Variants in CNKSR3 observed in about 807,000 individuals in gnomAD.
CNKSR3 encodes CNKSR family member 3.
Under a neutral mutation model 67.7 loss-of-function variants are expected in CNKSR3, and 36 were observed. That is an observed-to-expected ratio of 0.53 (90% CI 0.41 to 0.70). The LOEUF is 0.70. Among genes scored for constraint, CNKSR3 ranks in the 30% least tolerant of loss-of-function variants. The probability of loss-of-function intolerance (pLI) is 0.00; values close to 1 mark genes in which losing one functional copy is unlikely to be tolerated. For synonymous variants in CNKSR3, 281 were observed against 271.4 expected, an observed-to-expected ratio of 1.04 and a Z score of -0.35; for missense variants, 630 against 695.2, an observed-to-expected ratio of 0.91 and a Z score of 1.05.
chr6:154,436,040 A>G (rs1231054211), intron 4 of CNKSR3, among the ~76,000 whole-genome samples: 2 of 151,932 alleles, frequency 1.3e-5, no homozygotes, highest in Non-Finnish European at 2.9e-5. Flanking sequence ...GTGGATGCAC[A>G]ATGGCATGTG....
intron 1 of CNKSR3, among the ~76,000 whole-genome samples, chr6:154,461,285 G>C (rs965016139): frequency 1.3e-5 from 2 of 152,102 alleles, no homozygotes; most frequent in East Asian, 3.9e-4. Context: ...GGTCTGAGGT[G>C]GTCAATGAAG....
intron 1 of CNKSR3, among the ~76,000 whole-genome samples, chr6:154,485,409 C>T (rs886578606): frequency 4.6e-5 from 7 of 152,206 alleles, no homozygotes; most frequent in African/African-American, 1.4e-4. Context: ...CTTACTAAAG[C>T]TCTGTTCCAG....
At chr6:154,454,823 A>G (rs1785917147) in intron 1 of CNKSR3, among the ~76,000 whole-genome samples, 1 of 148,210 alleles carries the variant, frequency 6.7e-6, no homozygotes, top group African/African-American at 2.6e-5. Context: ...TACCTGGCAG[A>G]AAAAAAAAAA....
chr6:154,492,773 A>C (rs553910912), intron 1 of CNKSR3, among the ~76,000 whole-genome samples: 11 of 151,774 alleles, frequency 7.2e-5, no homozygotes, highest in East Asian at 1.9e-4. Context: ...AAACAAAAAA[A>C]AAAACAACAC....
intron 4 of CNKSR3, among the ~76,000 whole-genome samples, chr6:154,437,671 C>T (rs1785500573): frequency 6.6e-6 from 1 of 152,128 alleles, no homozygotes; most frequent in South Asian, 2.1e-4. Context: ...CCGCCCTGGC[C>T]TCCCAAAGTT....
At chr6:154,431,393 G>A (rs556676527) in intron 5 of CNKSR3, among the ~76,000 whole-genome samples, 66 of 144,852 alleles carry the variant, frequency 4.6e-4, no homozygotes, top group African/African-American at 1.4e-3. Flanking sequence ...GCAGTAAGCC[G>A]AGTCGCACCA....
At chr6:154,487,255 T>C (rs1386639963) in intron 1 of CNKSR3, among the ~76,000 whole-genome samples, 1 of 152,222 alleles carries the variant, frequency 6.6e-6, no homozygotes, top group African/African-American at 2.4e-5. Flanking sequence ...TGATTTTTTT[T>C]TCCAGGATAT....
Position 154,390,037 on chromosome 6 carries a change from A to G in CNKSR3, c.*16317T>C, listed in dbSNP as rs1055768467. Reference sequence around the variant, plus strand: ...AATCTTTGATTCATTATACATCATCATCAGTCCACACATATCCCTCTTTTA... The same window carrying G: ...AATCTTTGATTCATTATACATCATCGTCAGTCCACACATATCCCTCTTTTA... On this transcript the variant is annotated 3_prime_UTR_variant, in exon 13 of 13. Transcript: ENST00000607772. The G allele has an allele frequency of 6.6e-6, 1 of 152,256 alleles. No individual in the cohort carries two copies. Among genetic ancestry groups the G allele is most frequent in the Non-Finnish European group, 1.5e-5 (1 of 68,042 alleles). 9.4% of individuals were successfully genotyped at this position (152,256 alleles called of 1,614,324 possible). A position where few individuals can be genotyped will look rare whatever the true frequency, so the allele number is the denominator to read the frequency against.
At chr6:154,415,228 A>ATT (rs35873703) in intron 9 of CNKSR3, among the ~76,000 whole-genome samples, 7 of 118,106 alleles carry the variant, frequency 5.9e-5, no homozygotes, top group Admixed American at 9.2e-5. Context: ...CTAGCTGCCC[A>ATT]TTTTTTTTTT....
rs567934727 is a variant in CNKSR3, at chr6:154,435,392, T to C, written c.508-1885A>G. ...AATACACCAGAGCCCAAGAACAAGG[T>C]AGACTTGTGACTGCAAGGTTCCTAC... is the stretch of plus-strand genomic sequence containing the variant. On this transcript the variant is annotated intron_variant, in intron 4 of 12. Coordinates refer to ENST00000607772, the MANE Select transcript of CNKSR3 (RefSeq NM_173515.4). 3.9e-4 allele frequency among the ~76,000 whole-genome samples: 60 copies of C among 152,132 alleles called. 1 individual carries two copies. Among genetic ancestry groups the C allele is most frequent in the African/African-American group, 1.3e-3 (56 of 41,496 alleles).
Position 154,510,058 on chromosome 6 carries a change from C to T in CNKSR3, c.52+5G>A, listed in dbSNP as rs1195857847. 2 of 1,613,894 alleles carry T rather than the reference C, an allele frequency of 1.2e-6. No individual in the cohort carries two copies. Among genetic ancestry groups the T allele is most frequent in the Admixed American group, 3.3e-5 (2 of 60,010 alleles). On this transcript the variant is annotated splice_donor_5th_base_variant and intron_variant, in intron 1 of 12. Coordinates refer to ENST00000607772, the MANE Select transcript of CNKSR3 (RefSeq NM_173515.4). ...GGACTCCGGACCCCCCCAAGGCCCG[C>T]GCACCTCTAGTCCAGTCCACCACTT...
chr6:154,467,900 CAG>C (rs1197995508), intron 1 of CNKSR3, among the ~76,000 whole-genome samples: 2 of 151,076 alleles, frequency 1.3e-5, no homozygotes, highest in African/African-American at 4.9e-5. Context: ...GCTGGGATTA[CAG>C]GTGCCCACTA....
In CNKSR3 at chr6:154,411,818, G is replaced by A. The variant is rs139390967; in HGVS notation, c.1071-676C>T. 1.8e-3 allele frequency among the ~76,000 whole-genome samples: 280 copies of A among 152,156 alleles called. 1 individual carries two copies. Among genetic ancestry groups the A allele is most frequent in the African/African-American group, 6.6e-3 (274 of 41,498 alleles). On this transcript the variant is annotated intron_variant, in intron 10 of 12. Coordinates refer to ENST00000607772, the MANE Select transcript of CNKSR3 (RefSeq NM_173515.4). ...ACCACGTTGCTCATGCCAAGAGTCG[G>A]ATCTCTGCCAAAATCCAGCAAAAAA... is the stretch of plus-strand genomic sequence containing the variant.
rs377213430 is a variant in CNKSR3, at chr6:154,503,890, T to A, written c.52+6173A>T. Among the ~76,000 whole-genome samples, 30 of 152,308 alleles carry A rather than the reference T, an allele frequency of 2.0e-4. No homozygotes were observed. In the East Asian group the frequency reaches 4.4e-3, roughly 23 times the overall value. On this transcript the variant is annotated intron_variant, in intron 1 of 12. Coordinates refer to ENST00000607772, the MANE Select transcript of CNKSR3 (RefSeq NM_173515.4). ...GTACATACCAGACCAGATAGCCCAA[T>A]ACTACAATAGCAGGACTCTAGCAAA... is the stretch of plus-strand genomic sequence containing the variant.
intron 6 of CNKSR3, among the ~76,000 whole-genome samples, chr6:154,429,792 A>G (rs1785327979): frequency 6.6e-6 from 1 of 152,072 alleles, no homozygotes. Flanking sequence ...CACACGTACT[A>G]TATGCTTGGT....
intron 2 of CNKSR3, among the ~76,000 whole-genome samples, chr6:154,448,671 C>T (rs1304183551): frequency 6.6e-6 from 1 of 152,108 alleles, no homozygotes; most frequent in African/African-American, 2.4e-5. Context: ...TTGGCCATAG[C>T]GTCTCCCAGG....
Position 154,399,519 on chromosome 6 carries a change from A to C in CNKSR3, c.*6835T>G, listed in dbSNP as rs188596527. 6.6e-5 allele frequency: 10 copies of C among 152,274 alleles called. No homozygotes were observed. The highest frequency in any genetic ancestry group is 6.5e-4 in the Admixed American group (10 of 15,298). 9.4% of individuals were successfully genotyped at this position (152,274 alleles called of 1,614,324 possible). ...TCAAGTCACAGATCCCATAAGTGGC[A>C]AAGTGAGACAGCTGGATGATCCAAC... On this transcript the variant is annotated 3_prime_UTR_variant, in exon 13 of 13. Coordinates refer to ENST00000607772, the MANE Select transcript of CNKSR3 (RefSeq NM_173515.4).
intron 1 of CNKSR3, among the ~76,000 whole-genome samples, chr6:154,501,288 C>T (rs2088052781): frequency 6.6e-6 from 1 of 152,192 alleles, no homozygotes. Flanking sequence ...AGCTGGATTT[C>T]CTGAATTCAT....
intron 5 of CNKSR3, among the ~76,000 whole-genome samples, chr6:154,431,585 G>A (rs1003869643): frequency 1.3e-5 from 2 of 151,824 alleles, no homozygotes; most frequent in African/African-American, 4.8e-5. Flanking sequence ...CTAATGTCAC[G>A]TATCCTTCAT....
Sources: allele counts gnomAD v4.1 joint callset (sites outside exome capture counted in the v4.1 genomes callset), GRCh38; gene constraint gnomAD v4.1.1; transcripts MANE v1.5; gene names NCBI Gene and HGNC (gene_info 2026-07-23, HGNC 2026-07-21).